Variants in SLC17A8 observed in about 807,000 individuals in gnomAD.
The protein encoded by SLC17A8 is solute carrier family 17 member 8.
Under a neutral mutation model 58.0 loss-of-function variants are expected in SLC17A8, and 31 were observed. The ratio of observed to expected loss-of-function variants is 0.53; its 90% CI spans 0.40 to 0.72. SLC17A8 has a LOEUF of 0.72. SLC17A8 is among the 30% of genes least tolerant of loss of function. The pLI, the probability that SLC17A8 is intolerant of heterozygous loss-of-function variation, is 0.00. For missense variants in SLC17A8, 655 were observed against 727.8 expected (o/e 0.90, Z 1.15); for synonymous variants, 228 against 249.0 (o/e 0.92, Z 0.79).
intron 1 of SLC17A8, among the ~76,000 whole-genome samples, chr12:100,361,325 G>A (rs953174624): frequency 3.9e-5 from 6 of 152,156 alleles, no homozygotes; most frequent in Non-Finnish European, 7.3e-5. Flanking sequence ...TGGATTCACC[G>A]GCCTCCTGGC....
At chr12:100,372,711 T>C (rs1226086469) in intron 1 of SLC17A8, among the ~76,000 whole-genome samples, 7 of 152,148 alleles carry the variant, frequency 4.6e-5, no homozygotes. Context: ...AGCAAGTAAA[T>C]TGATTTAAAA....
At chr12:100,404,215 A>G in intron 9 of SLC17A8, 45 bp downstream of exon 9, 1 of 1,612,350 alleles carries the variant, frequency 6.2e-7, no homozygotes, top group South Asian at 1.1e-5. Context: ...TTGTAGAATT[A>G]GGGTAAACTG....
At chr12:100,400,067 A>G (rs532781145) in intron 5 of SLC17A8, among the ~76,000 whole-genome samples, 1 of 152,300 alleles carries the variant, frequency 6.6e-6, no homozygotes, top group African/African-American at 2.4e-5. Context: ...TCATAGGTAC[A>G]GTATACTTAG....
chr12:100,387,634 T>C (rs1321168000), intron 2 of SLC17A8, among the ~76,000 whole-genome samples: 1 of 152,176 alleles, frequency 6.6e-6, no homozygotes, highest in African/African-American at 2.4e-5. Context: ...TCTCCCTCTG[T>C]CTTGGATCCT....
chr12:100,377,238 C>T (rs572722519), intron 1 of SLC17A8, among the ~76,000 whole-genome samples: 102 of 152,236 alleles, frequency 6.7e-4, no homozygotes, highest in African/African-American at 2.4e-3. Flanking sequence ...GGCATCAATG[C>T]TAAGTCTAGC....
At chr12:100,419,532 C>CAA (rs754527564) in intron 11 of SLC17A8, among the ~76,000 whole-genome samples, 3 of 104,752 alleles carry the variant, frequency 2.9e-5, no homozygotes, top group South Asian at 2.9e-4. Flanking sequence ...GACTCCATCT[C>CAA]AAAAAAAAAA....
At chr12:100,412,106 G>A (rs1952872892) in intron 9 of SLC17A8, among the ~76,000 whole-genome samples, 1 of 152,090 alleles carries the variant, frequency 6.6e-6, no homozygotes, top group South Asian at 2.1e-4. Context: ...TTTAACAATG[G>A]CAGGGACAGC....
Position 100,404,502 on chromosome 12 carries a change from G to GCACACA in SLC17A8, c.1186+358_1186+363dup, listed in dbSNP as rs4015906. 1,995 of 232,964 alleles carry GCACACA rather than the reference G, an allele frequency of 8.6e-3. 49 individuals carry two copies. The highest frequency in any genetic ancestry group is 0.038 in the African/African-American group (1,627 of 43,298). 14.4% of individuals were successfully genotyped at this position (232,964 alleles called of 1,614,324 possible). On this transcript the variant is annotated intron_variant, in intron 9 of 11. Coordinates refer to ENST00000323346, the MANE Select transcript of SLC17A8 (RefSeq NM_139319.3). Reference sequence around the variant, plus strand: ...GCCTATGCTTGTGCATGGGATATATGCACACACACACACACACACACACAC... The same window carrying GCACACA: ...GCCTATGCTTGTGCATGGGATATATGCACACACACACACACACACACACACACACAC...
At chr12:100,418,885 A>G (rs1952926865) in intron 11 of SLC17A8, among the ~76,000 whole-genome samples, 1 of 152,244 alleles carries the variant, frequency 6.6e-6, no homozygotes, top group African/African-American at 2.4e-5. Flanking sequence ...ACTTTTTGAC[A>G]GAAAAGGTAG....
chr12:100,370,728 G>A (rs1195894363), intron 1 of SLC17A8, among the ~76,000 whole-genome samples: 1 of 151,666 alleles, frequency 6.6e-6, no homozygotes, highest in African/African-American at 2.4e-5. Context: ...CTGTGACTTA[G>A]GCTTTTAAAG....
chr12:100,411,384 G>T (rs1952866586), intron 9 of SLC17A8, among the ~76,000 whole-genome samples: 1 of 152,216 alleles, frequency 6.6e-6, no homozygotes, highest in Non-Finnish European at 1.5e-5. Context: ...GGAGGCTGAG[G>T]CAGGAGAATC....
intron 1 of SLC17A8, among the ~76,000 whole-genome samples, chr12:100,366,847 T>A (rs1952523833): frequency 6.6e-6 from 1 of 152,188 alleles, no homozygotes; most frequent in African/African-American, 2.4e-5. Flanking sequence ...GTTCTGTGAG[T>A]CATCTCTGAG....
intron 9 of SLC17A8, among the ~76,000 whole-genome samples, chr12:100,412,354 G>C (rs1039643718): frequency 1.3e-5 from 2 of 152,042 alleles, no homozygotes; most frequent in Non-Finnish European, 2.9e-5. Flanking sequence ...ACTCATAAGT[G>C]GGAGATGAAC....
chr12:100,414,043 G>GTA (rs1952889762), intron 10 of SLC17A8, among the ~76,000 whole-genome samples: 1 of 152,012 alleles, frequency 6.6e-6, no homozygotes, highest in South Asian at 2.1e-4. Context: ...CACATATATT[G>GTA]TATATATATC....
At chr12:100,393,731 C>T (rs1240377286) in intron 4 of SLC17A8, among the ~76,000 whole-genome samples, 1 of 152,102 alleles carries the variant, frequency 6.6e-6, no homozygotes, top group African/African-American at 2.4e-5. Context: ...TAACCTGACC[C>T]TCTTCATTTT....
intron 2 of SLC17A8, among the ~76,000 whole-genome samples, chr12:100,383,655 A>T (rs1952652441): frequency 6.6e-6 from 1 of 152,138 alleles, no homozygotes; most frequent in Non-Finnish European, 1.5e-5. Flanking sequence ...TCTTTCAAAT[A>T]TGTGGCATAT....
At chr12:100,402,798 CAG>C in intron 8 of SLC17A8, 53 bp downstream of exon 8, 1 of 1,514,860 alleles carries the variant, frequency 6.6e-7, no homozygotes, top group Non-Finnish European at 9.1e-7. Context: ...CTTGATTCTA[CAG>C]AGAATAACTT....
In SLC17A8 at chr12:100,421,854, A is replaced by C. The variant is rs1013856184; in HGVS notation, c.*1695A>C. 6.6e-6 allele frequency: 1 copy of C among 152,044 alleles called. No individual in the cohort carries two copies. The highest frequency in any genetic ancestry group is 2.4e-5 in the African/African-American group (1 of 41,394). The allele number at this position is 152,044 out of a possible 1,614,324, so 9.4% of individuals were successfully genotyped here. A position where few individuals can be genotyped will look rare whatever the true frequency, so the allele number is the denominator to read the frequency against. ...ATCTTTAAATCTCTTTAATGAGTGAATCCATGCAAGCCCCATAAAACAGTT... is the reference window on the plus strand; with the variant it reads ...ATCTTTAAATCTCTTTAATGAGTGACTCCATGCAAGCCCCATAAAACAGTT... On this transcript the variant is annotated 3_prime_UTR_variant, in exon 12 of 12. Transcript: ENST00000323346.
chr12:100,396,459 T>C, intron 5 of SLC17A8, 42 bp downstream of exon 5: 2 of 1,519,368 alleles, frequency 1.3e-6, no homozygotes, highest in South Asian at 1.1e-5. Context: ...TTATGAATGC[T>C]TTTTTTGGGT....
Sources: gnomAD v4.1 joint callset for allele counts (sites outside exome capture counted in the v4.1 genomes callset) on GRCh38, gnomAD v4.1.1 for gene constraint, MANE v1.5 for transcripts, NCBI Gene and HGNC (gene_info 2026-07-23, HGNC 2026-07-21) for gene names.